Variants in HDAC8 observed in about 807,000 individuals in gnomAD.
HDAC8 encodes the protein histone deacetylase 8.
In HDAC8, 1 loss-of-function variant was observed where a neutral mutation model predicts 32.2. That is an observed-to-expected ratio of 0.03 (90% confidence interval 0.01 to 0.15). The LOEUF (loss-of-function observed/expected upper bound fraction) is 0.15, where lower values mean the gene tolerates loss of function less well. Among genes scored for constraint, HDAC8 ranks in the 10% least tolerant of loss-of-function variants. The probability of loss-of-function intolerance (pLI) is 1.00; values close to 1 mark genes in which losing one functional copy is unlikely to be tolerated. For missense variants in HDAC8, 117 were observed against 300.0 expected (o/e 0.39, Z 4.51); for synonymous variants, 108 against 113.9 (o/e 0.95, Z 0.33).
intron 9 of HDAC8, among the ~76,000 whole-genome samples, chrX:72,428,277 A>G (rs894987665): frequency 1.8e-5 from 2 of 111,999 alleles, no homozygotes; most frequent in Non-Finnish European, 3.8e-5. Context: ...TATTTTCAGT[A>G]GAGACGGGGT....
At chrX:72,392,340 G>A (rs999389968) in intron 9 of HDAC8, among the ~76,000 whole-genome samples, 9 of 111,841 alleles carry the variant, frequency 8.0e-5, no homozygotes, top group Middle Eastern at 4.6e-3. Context: ...ATTAGCTACA[G>A]AAGTGCCCTA....
chrX:72,503,527 TA>T (rs1556017250), intron 4 of HDAC8, among the ~76,000 whole-genome samples: 1 of 112,246 alleles, frequency 8.9e-6, no homozygotes, highest in Non-Finnish European at 1.9e-5. Context: ...ACACTATCTA[TA>T]ATTCATAACT....
chrX:72,339,541 A>C (rs2043833281), intron 10 of HDAC8, among the ~76,000 whole-genome samples: 1 of 112,090 alleles, frequency 8.9e-6, no homozygotes, highest in African/African-American at 3.2e-5. Flanking sequence ...ACAGAGCAGG[A>C]TATATAAAGC....
chrX:72,336,527 A>G (rs2043688266), intron 10 of HDAC8, among the ~76,000 whole-genome samples: 1 of 112,079 alleles, frequency 8.9e-6, no homozygotes, highest in Non-Finnish European at 1.9e-5. Flanking sequence ...CTGTCTGTAT[A>G]TCTTCTTTGG....
chrX:72,361,008 A>T (rs2044532565), intron 9 of HDAC8, among the ~76,000 whole-genome samples: 1 of 111,750 alleles, frequency 8.9e-6, no homozygotes, highest in Admixed American at 9.5e-5. Context: ...GAGTGTCCAG[A>T]GCACAACCAA....
At chrX:72,509,309 A>G (rs977774392) in intron 4 of HDAC8, among the ~76,000 whole-genome samples, 2 of 110,639 alleles carry the variant, frequency 1.8e-5, no homozygotes, top group Non-Finnish European at 3.8e-5. Flanking sequence ...GGGTTTCACC[A>G]TGTTGGCCAA....
chrX:72,392,749 G>T (rs1251625532), intron 9 of HDAC8, among the ~76,000 whole-genome samples: 2 of 111,911 alleles, frequency 1.8e-5, no homozygotes, highest in Non-Finnish European at 3.8e-5. Context: ...CCCTTTTTCT[G>T]TTCTGAAAAG....
At chrX:72,561,854 T>C (rs183689090) in intron 4 of HDAC8, among the ~76,000 whole-genome samples, 3 of 111,082 alleles carry the variant, frequency 2.7e-5, no homozygotes, top group Non-Finnish European at 5.7e-5. Context: ...ATAATCCCAC[T>C]AAAAAGTGAG....
chrX:72,442,574 C>T (rs1461691959), intron 9 of HDAC8, among the ~76,000 whole-genome samples: 9 of 111,654 alleles, frequency 8.1e-5, no homozygotes, highest in South Asian at 3.7e-4. Context: ...CCAGCTACTG[C>T]GAAATCATGC....
intron 1 of HDAC8, chrX:72,572,314 C>T (rs192069729): frequency 4.7e-6 from 2 of 427,270 alleles, no homozygotes; most frequent in South Asian, 4.4e-5. Flanking sequence ...TGAAAGCTAC[C>T]GGGCCTTAGG....
chrX:72,554,155 A>G (rs1036947717), intron 4 of HDAC8, among the ~76,000 whole-genome samples: 1 of 111,735 alleles, frequency 8.9e-6, no homozygotes, highest in Non-Finnish European at 1.9e-5. Context: ...AACTAGAGAA[A>G]AATATGTTTA....
At chrX:72,354,997 G>A (rs782639689) in intron 9 of HDAC8, among the ~76,000 whole-genome samples, 36 of 112,004 alleles carry the variant, frequency 3.2e-4, no homozygotes, top group African/African-American at 9.4e-4. Flanking sequence ...CAGGTGAAGC[G>A]CTTAGGGCCG....
At chrX:72,340,788 C>T (rs1470622807) in intron 10 of HDAC8, among the ~76,000 whole-genome samples, 1 of 111,850 alleles carries the variant, frequency 8.9e-6, no homozygotes, top group Non-Finnish European at 1.9e-5. Flanking sequence ...TCTGCACACC[C>T]TGGTTTACAG....
At chrX:72,450,580 A>G (rs2047545373) in intron 9 of HDAC8, among the ~76,000 whole-genome samples, 1 of 111,713 alleles carries the variant, frequency 9.0e-6, no homozygotes, top group Non-Finnish European at 1.9e-5. Context: ...TAATCTTTTC[A>G]AGAAAAAAGA....
At chrX:72,465,818 A>G (rs1344589088) in intron 7 of HDAC8, among the ~76,000 whole-genome samples, 1 of 111,905 alleles carries the variant, frequency 8.9e-6, no homozygotes, top group Non-Finnish European at 1.9e-5. Flanking sequence ...TCAGGGACAT[A>G]AAAAGCCATT....
intron 9 of HDAC8, among the ~76,000 whole-genome samples, chrX:72,384,228 G>A (rs1555960738): frequency 8.9e-6 from 1 of 111,861 alleles, no homozygotes. Context: ...CTCCCTTACT[G>A]TAAAAGTTTT....
chrX:72,532,686 T>C (rs1393326383), intron 4 of HDAC8, among the ~76,000 whole-genome samples: 3 of 110,633 alleles, frequency 2.7e-5, no homozygotes, highest in Non-Finnish European at 5.7e-5. Flanking sequence ...AAACATCTAT[T>C]TGAATCCTTT....
intron 4 of HDAC8, 51 bp from the exon 5 acceptor site, chrX:72,495,319 A>G: frequency 1.2e-6 from 1 of 820,277 alleles, no homozygotes; most frequent in Admixed American, 2.4e-5. Flanking sequence ...AATCCAAGGG[A>G]GTCTTTACAG....
At position 72,489,003 on chromosome X, in the gene HDAC8, G is replaced by T; in HGVS notation, c.667C>A (p.Arg223=). 1 of 1,197,167 alleles carries T rather than the reference G, an allele frequency of 8.4e-7. No homozygotes were observed. Among genetic ancestry groups the T allele is most frequent in the Non-Finnish European group, 1.1e-6 (1 of 888,134 alleles). ...DVSDVGLGKG[R]YYSVNVPIQD... is the part of the protein sequence containing the mutation. ...ATGGGCACATTTACACTGTAGTACC[G>T]TCCCTTCCCTAGGCCAACATCAGAC... Residue 223 remains arginine, a synonymous_variant, in exon 7 of 11, where the codon CGG becomes AGG. Transcript: ENST00000373573.
Sources: allele counts gnomAD v4.1 joint callset (sites outside exome capture counted in the v4.1 genomes callset), GRCh38; gene constraint gnomAD v4.1.1; transcripts MANE v1.5; gene names NCBI Gene and HGNC (gene_info 2026-07-23, HGNC 2026-07-21).